Variants in CDK19 observed in about 807,000 individuals in gnomAD.
The protein encoded by CDK19 is cyclin dependent kinase 19.
CDK19 carries 20 observed loss-of-function variants against 68.3 expected under a neutral mutation model. The ratio of observed to expected loss-of-function variants is 0.29; its 90% CI spans 0.21 to 0.43. The LOEUF is 0.43. Ranked by LOEUF, CDK19 falls within the 20% of genes least tolerant of loss-of-function variation. CDK19 has a pLI of 1.00. For synonymous variants in CDK19, 221 were observed against 222.8 expected (o/e 0.99, Z 0.07); for missense variants, 339 against 623.5 (o/e 0.54, Z 4.86).
At chr6:110,634,820 C>G (rs998001914) in intron 5 of CDK19, among the ~76,000 whole-genome samples, 1 of 152,176 alleles carries the variant, frequency 6.6e-6, no homozygotes, top group South Asian at 2.1e-4. Flanking sequence ...GAAAAACATT[C>G]TAAAGTAAAG....
At chr6:110,618,051 T>C (rs1280471640) in intron 12 of CDK19, among the ~76,000 whole-genome samples, 1 of 152,012 alleles carries the variant, frequency 6.6e-6, no homozygotes, top group African/African-American at 2.4e-5. Context: ...CTCCCCCTTT[T>C]TCCAGGAATT....
chr6:110,744,156 G>A (rs1466242650), intron 2 of CDK19, among the ~76,000 whole-genome samples: 1 of 151,502 alleles, frequency 6.6e-6, no homozygotes, highest in African/African-American at 2.4e-5. Flanking sequence ...ACAGGCGCAT[G>A]CCACCACACC....
At chr6:110,758,443 A>AT (rs1260166218) in intron 1 of CDK19, among the ~76,000 whole-genome samples, 1 of 152,132 alleles carries the variant, frequency 6.6e-6, no homozygotes, top group Non-Finnish European at 1.5e-5. Flanking sequence ...CTTTATTATA[A>AT]TTAGTTAGAA....
At chr6:110,631,784 G>A (rs1252049623) in intron 6 of CDK19, among the ~76,000 whole-genome samples, 1 of 152,112 alleles carries the variant, frequency 6.6e-6, no homozygotes, top group East Asian at 1.9e-4. Context: ...TGTTTCCATA[G>A]CAACTCAACA....
chr6:110,722,996 T>C (rs1776023561), intron 2 of CDK19, among the ~76,000 whole-genome samples: 1 of 152,076 alleles, frequency 6.6e-6, no homozygotes, highest in Non-Finnish European at 1.5e-5. Context: ...CAACAGTATC[T>C]TTGTACCACA....
Position 110,622,434 on chromosome 6 carries a change from A to T in CDK19, c.1032-268T>A, listed in dbSNP as rs551678696. On this transcript the variant is annotated intron_variant, in intron 10 of 12. Coordinates refer to ENST00000368911, the MANE Select transcript of CDK19 (RefSeq NM_015076.5). ...TCTTATAGATGAAAACACAAAGTCTATACTTGGGGTTAAGAAGGATGAAGG... is the reference window on the plus strand; with the variant it reads ...TCTTATAGATGAAAACACAAAGTCTTTACTTGGGGTTAAGAAGGATGAAGG... Among the ~76,000 whole-genome samples, 28 of 152,334 alleles carry T rather than the reference A, an allele frequency of 1.8e-4. 1 individual carries two copies. In the East Asian group the frequency reaches 1.9e-3, roughly 10 times the overall value.
chr6:110,643,594 A>C (rs1780344205), intron 4 of CDK19, among the ~76,000 whole-genome samples: 1 of 152,184 alleles, frequency 6.6e-6, no homozygotes, highest in African/African-American at 2.4e-5. Flanking sequence ...TGATAAGCAT[A>C]AACAACAACA....
chr6:110,764,716 C>T (rs1428429719), intron 1 of CDK19, among the ~76,000 whole-genome samples: 1 of 152,060 alleles, frequency 6.6e-6, no homozygotes, highest in Admixed American at 6.6e-5. Flanking sequence ...TTTGGGAGGC[C>T]GAGGCAGGTG....
At chr6:110,761,075 G>C (rs1324917686) in intron 1 of CDK19, among the ~76,000 whole-genome samples, 2 of 152,106 alleles carry the variant, frequency 1.3e-5, no homozygotes, top group East Asian at 3.9e-4. Context: ...AGAACAAGTA[G>C]GAACACAGGT....
intron 4 of CDK19, among the ~76,000 whole-genome samples, chr6:110,654,967 AGAAC>A (rs1408236410): frequency 1.3e-5 from 2 of 152,086 alleles, no homozygotes; most frequent in African/African-American, 2.4e-5. Context: ...AAAGAAAGAA[AGAAC>A]AGAAGTTGAA....
At chr6:110,685,028 C>T (rs776925895) in intron 2 of CDK19, among the ~76,000 whole-genome samples, 1 of 152,102 alleles carries the variant, frequency 6.6e-6, no homozygotes, top group Non-Finnish European at 1.5e-5. Flanking sequence ...GTCCCAGCTA[C>T]CCAAGAGGCT....
intron 2 of CDK19, among the ~76,000 whole-genome samples, chr6:110,698,741 T>C (rs138576345): frequency 3.0e-4 from 45 of 152,272 alleles, no homozygotes; most frequent in Admixed American, 1.3e-3. Context: ...TGCAAAGATA[T>C]GGAACCAACC....
intron 2 of CDK19, among the ~76,000 whole-genome samples, chr6:110,672,455 T>C (rs1582829420): frequency 6.6e-6 from 1 of 152,196 alleles, no homozygotes; most frequent in Non-Finnish European, 1.5e-5. Context: ...CTAGAATAAA[T>C]TCATTTTAAG....
chr6:110,803,675 C>T (rs1005179894), intron 1 of CDK19, among the ~76,000 whole-genome samples: 2 of 152,170 alleles, frequency 1.3e-5, no homozygotes, highest in Non-Finnish European at 2.9e-5. Flanking sequence ...ATTACAATAA[C>T]TACACTGAGG....
chr6:110,800,455 G>A (rs918448018), intron 1 of CDK19, among the ~76,000 whole-genome samples: 3 of 152,092 alleles, frequency 2.0e-5, no homozygotes, highest in African/African-American at 4.8e-5. Flanking sequence ...TTTATTCTAC[G>A]AAACCAGTAT....
chr6:110,773,107 G>A (rs1385321688), intron 1 of CDK19, among the ~76,000 whole-genome samples: 1 of 151,040 alleles, frequency 6.6e-6, no homozygotes, highest in Non-Finnish European at 1.5e-5. Context: ...TGTGGGATGA[G>A]AACTAACTAC....
chr6:110,698,862 G>A (rs945571216), intron 2 of CDK19, among the ~76,000 whole-genome samples: 3 of 151,212 alleles, frequency 2.0e-5, no homozygotes, highest in Non-Finnish European at 2.9e-5. Flanking sequence ...GCAGATTTCC[G>A]GAGCTCAGGA....
intron 2 of CDK19, among the ~76,000 whole-genome samples, chr6:110,735,127 T>G (rs1297817942): frequency 6.6e-6 from 1 of 151,770 alleles, no homozygotes; most frequent in Non-Finnish European, 1.5e-5. Flanking sequence ...TTTTTTTATT[T>G]AATGAGACTG....
chr6:110,737,952 T>G (rs1487077786), intron 2 of CDK19, among the ~76,000 whole-genome samples: 1 of 152,190 alleles, frequency 6.6e-6, no homozygotes, highest in Non-Finnish European at 1.5e-5. Context: ...AAGGGAAATT[T>G]CACATTTACT....
Sources: allele counts gnomAD v4.1 joint callset (sites outside exome capture counted in the v4.1 genomes callset), GRCh38; gene constraint gnomAD v4.1.1; transcripts MANE v1.5; gene names NCBI Gene and HGNC (gene_info 2026-07-23, HGNC 2026-07-21).